RASSF1: variants seen among roughly 807,000 people sequenced by gnomAD.
RASSF1 encodes the protein Ras association domain family member 1.
Under a neutral mutation model 34.3 loss-of-function variants are expected in RASSF1, and 33 were observed. That is an observed-to-expected ratio of 0.96 (90% confidence interval 0.73 to 1.29). RASSF1 has a LOEUF of 1.29. Ranked by LOEUF, RASSF1 falls within the 50% of genes most tolerant of loss-of-function variation. RASSF1 has a pLI of 0.00. For synonymous variants in RASSF1, 191 were observed against 195.0 expected (o/e 0.98, Z 0.17); for missense variants, 445 against 471.8 (o/e 0.94, Z 0.53).
intron 2 of RASSF1, chr3:50,336,862 A>G (rs2073499): frequency 0.24 from 96,526 of 397,976 alleles, 18,070 homozygotes; most frequent in East Asian, 0.61. Flanking sequence ...TGCTAGTCCA[A>G]ACTGCTCGGT....
Position 50,330,819 on chromosome 3 carries a change from A to C in RASSF1, c.877-92T>G. 7.3e-7 allele frequency: 1 copy of C among 1,368,928 alleles called. No individual in the cohort carries two copies. The highest frequency in any genetic ancestry group is 1.0e-6 in the Non-Finnish European group (1 of 1,003,144). The allele number at this position is 1,368,928 out of a possible 1,614,324, so 84.8% of individuals were successfully genotyped here. ...GAGAAGACTAGCACCTCATGTTCAC[A>C]CAAGCTAGGACTGGGCTTTCTGATG... is the stretch of plus-strand genomic sequence containing the variant. On this transcript the variant is annotated intron_variant, in intron 5 of 5. Transcript: ENST00000359365. The surrounding 1 kb of genome is among the most constrained non-coding windows in gnomAD (Gnocchi z 4.5).
chr3:50,337,667 G>T, intron 2 of RASSF1: 1 of 893,530 alleles, frequency 1.1e-6, no homozygotes, highest in Non-Finnish European at 1.7e-6. Context: ...CGGGAAGTGC[G>T]CGTGCGCGGA....
chr3:50,331,344 CCA>C lies in RASSF1; in HGVS notation c.864_865del (p.Glu290GlyfsTer10). The C allele has an allele frequency of 1.3e-6, 2 of 1,594,256 alleles. No homozygotes were observed. The highest frequency in any genetic ancestry group is 1.7e-6 in the Non-Finnish European group (2 of 1,167,396). On this transcript the variant is annotated frameshift_variant, in exon 5 of 6. Transcript: ENST00000359365. LOFTEE classifies it high-confidence loss of function. ...GAACTATGTACTCACGTTCACCTCC[CCA>C]GAGTCATTTTCCTTCAGGACAAAGC...
intron 2 of RASSF1, chr3:50,336,783 TTCCCTCTCCACATCC>T (rs1483475104): frequency 4.7e-6 from 1 of 212,508 alleles, no homozygotes; most frequent in Non-Finnish European, 9.4e-6. Context: ...GCGAGGACTC[TTCCCTCTCCACATCC>T]TCCCCTAGTC....
rs1553718119 is a variant in RASSF1, at chr3:50,330,441, G to A, written c.*140C>T. ...GTGGACACAGGGAGCAAGCTACTTC[G>A]CTGTTCTCTGGGCTCATTCCCCCAG... On this transcript the variant is annotated 3_prime_UTR_variant, in exon 6 of 6. Transcript: ENST00000359365. This position sits in a 1 kb window ranked among gnomAD's most constrained non-coding sequence, Gnocchi z 4.5. 18 of 1,207,532 alleles carry A rather than the reference G, an allele frequency of 1.5e-5. No homozygotes were observed. The highest frequency in any genetic ancestry group is 2.4e-5 in the East Asian group (1 of 41,352). 74.8% of individuals were successfully genotyped at this position (1,207,532 alleles called of 1,614,324 possible).
chr3:50,340,337 A>G (rs1453678364), intron 1 of RASSF1, among the ~76,000 whole-genome samples: 2 of 152,362 alleles, frequency 1.3e-5, no homozygotes, highest in Admixed American at 6.5e-5. Flanking sequence ...ATTTTTACAT[A>G]TAAGCAGCCA....
intron 2 of RASSF1, chr3:50,337,524 G>GC: frequency 6.6e-7 from 1 of 1,518,038 alleles, no homozygotes; most frequent in Non-Finnish European, 8.8e-7. Flanking sequence ...CGCACGCTTC[G>GC]CCCCCAGGAA....
rs1702966698 is a variant in RASSF1 at position 50,332,042 on chromosome 3, C to G, written c.462+8G>C. The G allele has an allele frequency of 6.2e-7, 1 of 1,613,184 alleles. No individual in the cohort carries two copies. The highest frequency in any genetic ancestry group is 1.3e-5 in the African/African-American group (1 of 75,006). ...TCCCCACGCCCCCTTCCTGAGCAGT[C>G]AACTCACCAAGCTCATGAAGAGGTT... On this transcript the variant is annotated splice_region_variant and intron_variant, in intron 3 of 5. Transcript: ENST00000359365.
rs1396748654 is a variant in RASSF1, at chr3:50,330,318, G to A, written c.*263C>T. 1.4e-5 allele frequency: 6 copies of A among 441,146 alleles called. No homozygotes were observed. In the East Asian group the frequency reaches 2.3e-4, roughly 17 times the overall value. The allele number at this position is 441,146 out of a possible 1,614,324, so 27.3% of individuals were successfully genotyped here. A position where few individuals can be genotyped will look rare whatever the true frequency, so the allele number is the denominator to read the frequency against. ...GGAGACTTCTGTCTGCACCACTCCTGCTGCAGGCCTGGAGCAGCTTCTCAG... is the reference window on the plus strand; with the variant it reads ...GGAGACTTCTGTCTGCACCACTCCTACTGCAGGCCTGGAGCAGCTTCTCAG... On this transcript the variant is annotated 3_prime_UTR_variant, in exon 6 of 6. Transcript: ENST00000359365. This position sits in a 1 kb window ranked among gnomAD's most constrained non-coding sequence, Gnocchi z 4.5.
chr3:50,339,676 C>T (rs1289272558), intron 1 of RASSF1, among the ~76,000 whole-genome samples: 2 of 152,132 alleles, frequency 1.3e-5, no homozygotes, highest in Admixed American at 1.3e-4. Context: ...GCCCCTTGTT[C>T]ATTCTTTGCA....
chr3:50,333,077 A>T (rs1703004862), intron 2 of RASSF1, among the ~76,000 whole-genome samples: 1 of 152,046 alleles, frequency 6.6e-6, no homozygotes, highest in African/African-American at 2.4e-5. Flanking sequence ...CTGGGCAACA[A>T]GAGCGAAACT....
rs587758315 is a variant in RASSF1, at chr3:50,330,603, A to G, written c.1001T>C (p.Leu334Pro). The change falls in exon 6 of 6, where the codon CTG becomes CCG. Residue 334 changes from leucine to proline, a missense_variant. Transcript: ENST00000359365. This position sits in a 1 kb window ranked among gnomAD's most constrained non-coding sequence, Gnocchi z 4.5. ...AGGTCACCCAAGGGGGCAGGCGTGC[A>G]GGGCCTCTTGGATCTTCTGGCGGCA... Reference protein sequence around the residue: ...SYCRQKIQEALHACPLG With the variant: ...SYCRQKIQEAPHACPLG 1 of 1,614,162 alleles carries G rather than the reference A, an allele frequency of 6.2e-7. No individual in the cohort carries two copies. The highest frequency in any genetic ancestry group is 8.5e-7 in the Non-Finnish European group (1 of 1,180,014).
chr3:50,338,197 C>T (rs1703235083), intron 1 of RASSF1, 186 bp from the exon 2 acceptor site: 1 of 1,412,368 alleles, frequency 7.1e-7, no homozygotes, highest in Non-Finnish European at 9.2e-7. Context: ...GGAAACCGGC[C>T]GGAAGGCCAC....
chr3:50,330,519 C>T lies in RASSF1; in HGVS notation c.*62G>A. On this transcript the variant is annotated 3_prime_UTR_variant, in exon 6 of 6. Transcript: ENST00000359365. This position sits in a 1 kb window ranked among gnomAD's most constrained non-coding sequence, Gnocchi z 4.5. ...TCCACAGGCCCCACTGGCCCTGTCA[C>T]ACTCACACGGCACGCACTTGGCGCT... is the stretch of plus-strand genomic sequence containing the variant. The T allele has an allele frequency of 6.3e-7, 1 of 1,593,480 alleles. No individual in the cohort carries two copies.
At chr3:50,337,330 G>A (rs745998050) in intron 2 of RASSF1, 5 of 1,611,222 alleles carry the variant, frequency 3.1e-6, no homozygotes, top group East Asian at 2.2e-5. Context: ...AGCCGTACCC[G>A]CCCGTCCCCC....
chr3:50,337,948 C>T lies in RASSF1; in HGVS notation c.314G>A (p.Arg105Gln), dbSNP rs752113150. The T allele has an allele frequency of 6.2e-7, 1 of 1,611,880 alleles. No homozygotes were observed. Among genetic ancestry groups the T allele is most frequent in the Admixed American group, 1.7e-5 (1 of 59,868 alleles). ...ALVCLDCCGP[R>Q]DLGWEPAVER... ...CACCGCGGGTTCCCAGCCCAGGTCCCGGGGCCCGCAACAGTCCAGGCAGAC... is the reference window on the plus strand; with the variant it reads ...CACCGCGGGTTCCCAGCCCAGGTCCTGGGGCCCGCAACAGTCCAGGCAGAC... Residue 105 changes from arginine to glutamine, a missense_variant, in exon 2 of 6, where the codon CGG (arginine) becomes CAG (glutamine). By Grantham distance (43) the Arg-to-Gln change is conservative. Transcript: ENST00000359365.
intron 2 of RASSF1, chr3:50,337,154 G>A (rs1290255407): frequency 6.3e-7 from 1 of 1,595,702 alleles, no homozygotes; most frequent in Non-Finnish European, 8.5e-7. Flanking sequence ...CCCGCCCGCC[G>A]GCACCCCCTG....
At chr3:50,335,695 A>G (rs998274800) in intron 2 of RASSF1, among the ~76,000 whole-genome samples, 1 of 151,704 alleles carries the variant, frequency 6.6e-6, no homozygotes, top group Non-Finnish European at 1.5e-5. Flanking sequence ...GGCTCACTGC[A>G]ACCTTTGCCT....
chr3:50,340,661 C>T lies in RASSF1; in HGVS notation c.145G>A (p.Gly49Ser), dbSNP rs1385348057. 1 of 1,531,522 alleles carries T rather than the reference C, an allele frequency of 6.5e-7. No homozygotes were observed. The highest frequency in any genetic ancestry group is 8.7e-7 in the Non-Finnish European group (1 of 1,149,530). 94.9% of individuals were successfully genotyped at this position (1,531,522 alleles called of 1,614,324 possible). ...GCGGGCTGGAAGCGGTGGCCACGGC[C>T]AGGGACCAGCTGCCGTGTGGGGTTG... ...ACNPTRQLVP[G>S]RGHRFQPAGP... is the part of the protein sequence containing the mutation. The change falls in exon 1 of 6, where the codon GGC becomes AGC. Residue 49 changes from glycine (G) to serine (S), a missense_variant. Transcript: ENST00000359365.
Sources: gnomAD v4.1 joint callset for allele counts (sites outside exome capture counted in the v4.1 genomes callset) on GRCh38, gnomAD v4.1.1 for gene constraint, Gnocchi (gnomAD v3.1) non-coding constraint, MANE v1.5 for transcripts, NCBI Gene and HGNC (gene_info 2026-07-23, HGNC 2026-07-21) for gene names.